IFI16: variants seen among roughly 807,000 people sequenced by gnomAD.
IFI16 encodes the protein gamma-interferon-inducible protein 16.
In IFI16, 49 loss-of-function variants were observed where a neutral mutation model predicts 68.4. The observed-to-expected ratio is 0.72, with a 90% CI of 0.57 to 0.91. The LOEUF is 0.91. Ranked by LOEUF, IFI16 falls within the 40% of genes least tolerant of loss-of-function variation. The pLI, the probability that IFI16 is intolerant of heterozygous loss-of-function variation, is 0.00. For synonymous variants in IFI16, 307 were observed against 315.0 expected (o/e 0.97, Z 0.27); for missense variants, 878 against 942.9 (o/e 0.93, Z 0.90).
In IFI16 at chr1:159,016,616, A is replaced by G; in HGVS notation, c.465A>G (p.Ala155=). The G allele has an allele frequency of 6.2e-7, 1 of 1,614,208 alleles. No individual in the cohort carries two copies. The highest frequency in any genetic ancestry group is 1.3e-5 in the African/African-American group (1 of 75,060). Residue 155 remains alanine (A), a synonymous_variant, in exon 4 of 12, where the codon GCA becomes GCG. Transcript: ENST00000295809. ...AACAGACTCAGCCTCCCTCTCCTGCAGGAGCCGGCATGTCCACAGCCATGG... is the reference window on the plus strand; with the variant it reads ...AACAGACTCAGCCTCCCTCTCCTGCGGGAGCCGGCATGTCCACAGCCATGG... ...SEEQTQPPSP[A]GAGMSTAMGR...
In IFI16 at chr1:159,020,845, TC is replaced by T. The variant is rs778476660; in HGVS notation, c.1161+317del. 2.4e-3 allele frequency among the ~76,000 whole-genome samples: 108 copies of T among 45,638 alleles called. No homozygotes were observed. The South Asian group carries it at 0.024, about 10-fold the overall frequency. The allele number at this position is 45,638 out of a possible 152,430, so 29.9% of individuals were successfully genotyped here. On this transcript the variant is annotated intron_variant, in intron 6 of 11. Transcript: ENST00000295809. ...TTCTCCATTTGTGAATTAGAAAACG[TC>T]GTGTGTGTGTGTGTGTGTGTGTGTG...
rs1429936364 is a variant in IFI16 at position 159,053,531 on chromosome 1, AG to A, written c.2086-1del. Reference sequence around the variant, plus strand: ...AAGATAAGTGTTAATTTTCTTTTGCAGAAAAATGTAAGGGGTGAATTCACTT... The same window carrying A: ...AAGATAAGTGTTAATTTTCTTTTGCAAAAAATGTAAGGGGTGAATTCACTT... On this transcript the variant is annotated splice_acceptor_variant, in intron 10 of 11. Coordinates refer to ENST00000295809, the MANE Select transcript of IFI16 (RefSeq NM_001376587.1). LOFTEE classifies it high-confidence loss of function. 1 of 1,580,762 alleles carries A rather than the reference AG, an allele frequency of 6.3e-7. No individual in the cohort carries two copies. Among genetic ancestry groups the A allele is most frequent in the Non-Finnish European group, 8.7e-7 (1 of 1,154,748 alleles).
At chr1:159,020,220 C>G (rs1653217262) in intron 5 of IFI16, 121 bp from the exon 6 acceptor site, 7 of 669,992 alleles carry the variant, frequency 1.0e-5, no homozygotes, top group Non-Finnish European at 1.8e-5. Context: ...AAGATATGTG[C>G]ATATCTGTAC....
At chr1:159,014,975 T>G (rs757462407) in intron 2 of IFI16, 30 bp downstream of exon 2, 14 of 1,564,782 alleles carry the variant, frequency 8.9e-6, no homozygotes, top group African/African-American at 1.4e-5. Context: ...ACCCACTCCC[T>G]GCAACCATCC....
chr1:159,027,486 T>G (rs1168482960), intron 6 of IFI16, among the ~76,000 whole-genome samples: 1 of 152,062 alleles, frequency 6.6e-6, no homozygotes, highest in Admixed American at 6.6e-5. Context: ...CTGTAGTTTT[T>G]TTGTTGTTGT....
intron 6 of IFI16, among the ~76,000 whole-genome samples, chr1:159,028,000 G>A (rs1399462324): frequency 6.6e-6 from 1 of 151,976 alleles, no homozygotes; most frequent in Non-Finnish European, 1.5e-5. Flanking sequence ...TTCTTTGTCT[G>A]TCACAATTTC....
chr1:159,005,537 C>T (rs1181942166), upstream of IFI16, among the ~76,000 whole-genome samples: 1 of 152,202 alleles, frequency 6.6e-6, no homozygotes, highest in East Asian at 1.9e-4. Context: ...ACTACAGAAG[C>T]TCTTTCTGCC....
At chr1:159,044,824 T>C (rs2999938) in intron 7 of IFI16, among the ~76,000 whole-genome samples, 36 of 152,188 alleles carry the variant, frequency 2.4e-4, no homozygotes, top group Non-Finnish European at 4.4e-4. Context: ...GAGAATCTTC[T>C]TATTATGGCT....
chr1:159,049,055 G>T (rs2101922905), intron 8 of IFI16, among the ~76,000 whole-genome samples: 1 of 150,376 alleles, frequency 6.6e-6, no homozygotes. Context: ...GTATCTAATT[G>T]ATGAGAAAGG....
chr1:159,024,316 C>A (rs1251299013), intron 6 of IFI16, among the ~76,000 whole-genome samples: 1 of 152,066 alleles, frequency 6.6e-6, no homozygotes, highest in Non-Finnish European at 1.5e-5. Flanking sequence ...TTTAAAAACA[C>A]CTAGGGGGTC....
At chr1:159,020,042 G>A (rs1653202130) in intron 5 of IFI16, among the ~76,000 whole-genome samples, 1 of 152,330 alleles carries the variant, frequency 6.6e-6, no homozygotes, top group African/African-American at 2.4e-5. Context: ...AGAGATTTCA[G>A]CTTCCTCTGT....
chr1:159,013,669 T>C (rs1652727222), intron 1 of IFI16, among the ~76,000 whole-genome samples: 2 of 152,120 alleles, frequency 1.3e-5, no homozygotes, highest in African/African-American at 4.8e-5. Flanking sequence ...AAAGCCTCAG[T>C]TGAGTCTTAA....
chr1:159,018,396 C>T lies in IFI16; in HGVS notation c.717C>T (p.Phe239=), dbSNP rs769563113. Residue 239 remains phenylalanine (F), a synonymous_variant, in exon 5 of 12, where the codon TTC becomes TTT. Coordinates refer to ENST00000295809, the MANE Select transcript of IFI16 (RefSeq NM_001376587.1). ...CTACAGTGGCTACACAGACACAGTTCTTCCATGTGAAGGTTTTAAACACCA... is the reference window on the plus strand; with the variant it reads ...CTACAGTGGCTACACAGACACAGTTTTTCCATGTGAAGGTTTTAAACACCA... ...FHATVATQTQ[F]FHVKVLNTSL... 6.2e-6 allele frequency: 10 copies of T among 1,614,032 alleles called. No homozygotes were observed. Among genetic ancestry groups the T allele is most frequent in the South Asian group, 3.3e-5 (3 of 91,072 alleles).
chr1:159,042,266 CCAAAGCATAA>C (rs1219717279), intron 7 of IFI16, among the ~76,000 whole-genome samples: 1 of 152,014 alleles, frequency 6.6e-6, no homozygotes, highest in Non-Finnish European at 1.5e-5. Flanking sequence ...GATTGGAAAC[CCAAAGCATAA>C]CAATTTTATA....
intron 6 of IFI16, among the ~76,000 whole-genome samples, chr1:159,025,064 T>C (rs1653568729): frequency 6.6e-6 from 1 of 152,062 alleles, no homozygotes; most frequent in Admixed American, 6.5e-5. Flanking sequence ...GTACTGGAAA[T>C]TCTAGGGGTG....
intron 7 of IFI16, among the ~76,000 whole-genome samples, chr1:159,041,172 T>C (rs1654613441): frequency 6.6e-6 from 1 of 152,136 alleles, no homozygotes; most frequent in African/African-American, 2.4e-5. Flanking sequence ...CAGTGACAAA[T>C]GGACATCACA....
At chr1:159,008,811 C>T (rs957743415), upstream of IFI16, among the ~76,000 whole-genome samples, 1 of 152,154 alleles carries the variant, frequency 6.6e-6, no homozygotes, top group Non-Finnish European at 1.5e-5. Flanking sequence ...GGTTTCAAAT[C>T]CAGAATTCAG....
intron 4 of IFI16, among the ~76,000 whole-genome samples, chr1:159,017,288 C>T (rs1652994197): frequency 6.6e-6 from 1 of 152,188 alleles, no homozygotes; most frequent in South Asian, 2.1e-4. Flanking sequence ...CCTGAACCTA[C>T]TGAGATGATG....
At chr1:159,026,082 G>A (rs141687630) in intron 6 of IFI16, among the ~76,000 whole-genome samples, 3 of 152,210 alleles carry the variant, frequency 2.0e-5, no homozygotes, top group African/African-American at 7.2e-5. Flanking sequence ...TGGCCTTATA[G>A]TATACTTTGA....
Sources: gnomAD v4.1 joint callset for allele counts (sites outside exome capture counted in the v4.1 genomes callset) on GRCh38, gnomAD v4.1.1 for gene constraint, MANE v1.5 for transcripts, NCBI Gene and HGNC (gene_info 2026-07-23, HGNC 2026-07-21) for gene names.